The following TBC1D30 variants were observed in gnomAD, a reference collection of about 807,000 sequenced individuals.
TBC1D30 encodes TBC1 domain family member 30, also known as TBC1 domain family, member 30.
A neutral mutation model predicts 63.2 loss-of-function variants in TBC1D30; 31 were observed. That is an observed-to-expected ratio of 0.49 (90% CI 0.37 to 0.66). The LOEUF (loss-of-function observed/expected upper bound fraction) is 0.66, where lower values mean the gene tolerates loss of function less well. TBC1D30 is among the 30% of genes least tolerant of loss of function. TBC1D30 has a pLI of 0.00. For synonymous variants in TBC1D30, 307 were observed against 361.5 expected (o/e 0.85, Z 1.71); for missense variants, 810 against 953.6 (o/e 0.85, Z 1.98).
At chr12:64,767,209 C>T (rs181041141) in intron 1 of TBC1D30, among the ~76,000 whole-genome samples, 8 of 150,736 alleles carry the variant, frequency 5.3e-5, no homozygotes, top group South Asian at 2.1e-4. Context: ...ATTAATGAAA[C>T]GAGGATAGAA....
chr12:64,798,429 A>G (rs1017115960), intron 2 of TBC1D30, among the ~76,000 whole-genome samples: 1 of 152,192 alleles, frequency 6.6e-6, no homozygotes, highest in African/African-American at 2.4e-5. Context: ...TGACATTCCA[A>G]TGAGTCTTAC....
At chr12:64,781,164 C>T (rs966558817) in exon 1 of TBC1D30, 8 of 1,033,650 alleles carry the variant, frequency 7.7e-6, no homozygotes, top group Non-Finnish European at 9.3e-6. Context: ...GACAGCTCCA[C>T]CGAGGCCTCG....
At chr12:64,828,390 A>G (rs945140252) in intron 2 of TBC1D30, 54 bp from the exon 3 acceptor site, 2 of 1,300,566 alleles carry the variant, frequency 1.5e-6, no homozygotes, top group Non-Finnish European at 2.1e-6. Context: ...AAGATTGCAA[A>G]GTGCTTATCT....
At position 64,875,397 on chromosome 12, in the gene TBC1D30, C is replaced by A; in HGVS notation, c.1895C>A (p.Thr632Lys). ...GSSPEGSTRR[T>K]IEGQSPEPVF... The stretch of plus-strand genomic sequence containing the variant: ...AGCCCTGAAGGCAGTACCAGGAGGA[C>A]GATCGAGGGGCAGTCTCCGGAGCCG... The change falls in exon 12 of 12, where the codon ACG (threonine) becomes AAG (lysine). Residue 632 changes from threonine (T) to lysine (K), a missense_variant. Coordinates refer to ENST00000539867, the MANE Select transcript of TBC1D30 (RefSeq NM_015279.2). 1 of 1,536,178 alleles carries A rather than the reference C, an allele frequency of 6.5e-7. No homozygotes were observed. The highest frequency in any genetic ancestry group is 1.2e-5 in the South Asian group (1 of 84,062).
chr12:64,840,008 A>AAT, intron 7 of TBC1D30, among the ~76,000 whole-genome samples: 1 of 38,030 alleles, frequency 2.6e-5, no homozygotes, highest in Non-Finnish European at 7.8e-5. Flanking sequence ...CTGTCTCAAA[A>AAT]AAAAAAAAAA....
In TBC1D30 at chr12:64,832,233, T is replaced by C; in HGVS notation, c.523T>C (p.Cys175Arg). The C allele has an allele frequency of 6.5e-7, 1 of 1,536,172 alleles. No individual in the cohort carries two copies. The highest frequency in any genetic ancestry group is 8.7e-7 in the Non-Finnish European group (1 of 1,146,912). ...YARWNKTVGY[C>R]QGFNILAALI... ...CCGATGGAACAAAACTGTTGGGTAC[T>C]GCCAAGGCTTTAACATCCTGGCTGC... Residue 175 changes from cysteine (C) to arginine (R), a missense_variant, in exon 5 of 12, where the codon TGC (cysteine) becomes CGC (arginine). Around this residue, in one of 4 missense-constraint regions of TBC1D30, gnomAD observed 272 missense variants for 335.9 expected, o/e 0.81. Coordinates refer to ENST00000539867, the MANE Select transcript of TBC1D30 (RefSeq NM_015279.2).
chr12:64,828,442 A>G lies in TBC1D30; in HGVS notation c.217-2A>G. 6.5e-7 allele frequency: 1 copy of G among 1,534,980 alleles called. No homozygotes were observed. The highest frequency in any genetic ancestry group is 8.7e-7 in the Non-Finnish European group (1 of 1,145,912). On this transcript the variant is annotated splice_acceptor_variant, in intron 2 of 11. Transcript: ENST00000539867. LOFTEE classifies it high-confidence loss of function. Reference sequence around the variant, plus strand: ...CTCCTGGGATTTCTTCTTTGTTCCTAGTGGTACGATGCTCTCAAGGCAGTT... The same window carrying G: ...CTCCTGGGATTTCTTCTTTGTTCCTGGTGGTACGATGCTCTCAAGGCAGTT...
Position 64,864,791 on chromosome 12 carries a change from T to G in TBC1D30, c.1151+11T>G, listed in dbSNP as rs1009348761. The stretch of plus-strand genomic sequence containing the variant: ...CACCTCAGTTTCTGGGTAAGGTTTT[T>G]AAATTCCTTGTTGTTTTCATGATGG... On this transcript the variant is annotated intron_variant, in intron 9 of 11. Coordinates refer to ENST00000539867, the MANE Select transcript of TBC1D30 (RefSeq NM_015279.2). 6.6e-7 allele frequency: 1 copy of G among 1,512,316 alleles called. No individual in the cohort carries two copies. 93.7% of individuals were successfully genotyped at this position (1,512,316 alleles called of 1,614,324 possible). A position where few individuals can be genotyped will look rare whatever the true frequency, so the allele number is the denominator to read the frequency against.
intron 2 of TBC1D30, among the ~76,000 whole-genome samples, chr12:64,801,488 T>C (rs1371824704): frequency 6.6e-6 from 1 of 152,178 alleles, no homozygotes; most frequent in African/African-American, 2.4e-5. Flanking sequence ...AGGGTTCTAT[T>C]GAGATCGGAG....
At chr12:64,811,590 C>A (rs1305061761) in intron 2 of TBC1D30, among the ~76,000 whole-genome samples, 1 of 152,144 alleles carries the variant, frequency 6.6e-6, no homozygotes, top group African/African-American at 2.4e-5. Context: ...CTCACCAAGC[C>A]CCATCCCACT....
intron 2 of TBC1D30, among the ~76,000 whole-genome samples, chr12:64,805,766 G>C (rs1213718405): frequency 6.6e-6 from 1 of 152,144 alleles, no homozygotes; most frequent in Non-Finnish European, 1.5e-5. Context: ...CCAGGAGGTA[G>C]AGGTTGCAGT....
At chr12:64,779,313 C>A (rs1173169484), upstream of TBC1D30, 2 of 151,946 alleles carry the variant, frequency 1.3e-5, no homozygotes, top group Non-Finnish European at 2.9e-5. Flanking sequence ...GGGAAAAAGA[C>A]CTCAAAAAAC....
intron 1 of TBC1D30, among the ~76,000 whole-genome samples, chr12:64,775,087 T>A: frequency 7.1e-6 from 1 of 141,766 alleles, no homozygotes; most frequent in Non-Finnish European, 1.5e-5. Context: ...AGTGAGACTG[T>A]GTCTCAAAAA....
intron 1 of TBC1D30, 145 bp downstream of exon 1, chr12:64,825,178 G>A (rs1565659283): frequency 8.0e-7 from 1 of 1,249,154 alleles, no homozygotes; most frequent in Non-Finnish European, 1.1e-6. Context: ...GTTGGCACCT[G>A]CAGGGAGCGA....
chr12:64,781,943 A>C (rs1264098723), intron 1 of TBC1D30, among the ~76,000 whole-genome samples: 1 of 151,324 alleles, frequency 6.6e-6, no homozygotes, highest in African/African-American at 2.4e-5. Flanking sequence ...TACAGAATTT[A>C]ACTGCTGGTA....
chr12:64,795,974 T>C (rs1292030668), intron 2 of TBC1D30, among the ~76,000 whole-genome samples: 1 of 152,144 alleles, frequency 6.6e-6, no homozygotes, highest in Admixed American at 6.5e-5. Context: ...TTTGTTAATA[T>C]TGATAACCGT....
At chr12:64,823,558 T>G (rs192732070), upstream of TBC1D30, among the ~76,000 whole-genome samples, 31 of 152,318 alleles carry the variant, frequency 2.0e-4, no homozygotes, top group Admixed American at 1.8e-3. Flanking sequence ...AACTCCTAGT[T>G]TCAAGACATC....
chr12:64,836,432 A>T, intron 5 of TBC1D30, 58 bp from the exon 6 acceptor site: 1 of 1,356,422 alleles, frequency 7.4e-7, no homozygotes, highest in South Asian at 1.3e-5. Context: ...TCTCTTTAGG[A>T]CGTGTTGGGA....
intron 2 of TBC1D30, among the ~76,000 whole-genome samples, chr12:64,796,998 A>G (rs1872315120): frequency 7.3e-6 from 1 of 136,706 alleles, no homozygotes; most frequent in Admixed American, 8.2e-5. Context: ...TAGGAATTTC[A>G]CATATATCTT....
Sources: gnomAD v4.1 joint callset for allele counts (sites outside exome capture counted in the v4.1 genomes callset) on GRCh38, gnomAD v4.1.1 for gene constraint, gnomAD v4.1.1 regional missense constraint, MANE v1.5 for transcripts, NCBI Gene and HGNC (gene_info 2026-07-23, HGNC 2026-07-21) for gene names.